Variants in GBA2 observed in about 807,000 individuals in gnomAD.
GBA2 encodes the protein non-lysosomal glucosylceramidase.
A neutral mutation model predicts 112.9 loss-of-function variants in GBA2; 79 were observed. The observed-to-expected ratio is 0.70, with a 90% confidence interval of 0.58 to 0.84. GBA2 has a LOEUF of 0.84. GBA2 is among the 40% of genes least tolerant of loss of function. The pLI is 0.00. For synonymous variants in GBA2, 403 were observed against 434.3 expected (o/e 0.93, Z 0.90); for missense variants, 1,043 against 1,190.0 (o/e 0.88, Z 1.82).
In GBA2 at chr9:35,739,456, C is replaced by G. The variant is rs3829081; in HGVS notation, c.1583-37G>C. On this transcript the variant is annotated intron_variant, in intron 9 of 16. Transcript: ENST00000378103. The stretch of plus-strand genomic sequence containing the variant: ...AATGAGACACACTGTTGCCAGAATT[C>G]CTGCTTCCCCTTCAAACCCCTCTGT... 9.6e-5 allele frequency: 143 copies of G among 1,484,268 alleles called. 1 individual carries two copies. In the East Asian group the frequency reaches 3.2e-3, roughly 34 times the overall value. 91.9% of individuals were successfully genotyped at this position (1,484,268 alleles called of 1,614,324 possible). A position where few individuals can be genotyped will look rare whatever the true frequency, so the allele number is the denominator to read the frequency against.
Position 35,740,965 on chromosome 9 carries a change from C to G in GBA2, c.886G>C (p.Gly296Arg), listed in dbSNP as rs1254045030. 1 of 1,614,054 alleles carries G rather than the reference C, an allele frequency of 6.2e-7. No homozygotes were observed. Among genetic ancestry groups the G allele is most frequent in the African/African-American group, 1.3e-5 (1 of 74,934 alleles). ...CCCCCTGGGGCATCGTCTCCACCAC[C>G]CAGTCCATTCCGCATGGAGAACATG... ...SIMFSMRNGL[G>R]GGDDAPGGLW... is the part of the protein sequence containing the mutation. Residue 296 changes from glycine to arginine, a missense_variant, in exon 5 of 17, where the codon GGT (glycine) becomes CGT (arginine). Gly to Arg is a moderately radical substitution (Grantham distance 125). Transcript: ENST00000378103. This position sits in a 1 kb window ranked among gnomAD's most constrained non-coding sequence, Gnocchi z 4.7.
At chr9:35,739,531 A>C in intron 9 of GBA2, 97 bp downstream of exon 9, 1 of 1,323,556 alleles carries the variant, frequency 7.6e-7, no homozygotes, top group Non-Finnish European at 1.1e-6. Flanking sequence ...GTCCACACCC[A>C]ACACCCCCTC....
At position 35,737,032 on chromosome 9, in the gene GBA2, T is replaced by A; in HGVS notation, c.*137A>T. 1.5e-6 allele frequency: 2 copies of A among 1,352,844 alleles called. No individual in the cohort carries two copies. The highest frequency in any genetic ancestry group is 2.0e-6 in the Non-Finnish European group (2 of 1,005,350). The allele number at this position is 1,352,844 out of a possible 1,614,324, so 83.8% of individuals were successfully genotyped here. A position where few individuals can be genotyped will look rare whatever the true frequency, so the allele number is the denominator to read the frequency against. ...TAGGTCACCCTCAACCCCCATTTACTGGCACAATTGGGTGGAGAGAAGGGA... is the reference window on the plus strand; with the variant it reads ...TAGGTCACCCTCAACCCCCATTTACAGGCACAATTGGGTGGAGAGAAGGGA... On this transcript the variant is annotated 3_prime_UTR_variant, in exon 17 of 17. Coordinates refer to ENST00000378103, the MANE Select transcript of GBA2 (RefSeq NM_020944.3). This position sits in a 1 kb window ranked among gnomAD's most constrained non-coding sequence, Gnocchi z 4.1.
chr9:35,740,607 T>C lies in GBA2; in HGVS notation c.1048A>G (p.Ile350Val). The part of the protein sequence containing the change: ...RVTAATTVTH[I>V]TAFDPDSTGQ... ...GTGCTGTCAGGGTCAAAGGCTGTGATGTGGGTTACCGTGGTAGCTGCCTGT... is the reference window on the plus strand; with the variant it reads ...GTGCTGTCAGGGTCAAAGGCTGTGACGTGGGTTACCGTGGTAGCTGCCTGT... The change falls in exon 6 of 17, where the codon ATC becomes GTC. Residue 350 changes from isoleucine to valine, a missense_variant. Ile to Val is a conservative substitution (Grantham distance 29, BLOSUM62 3). Coordinates refer to ENST00000378103, the MANE Select transcript of GBA2 (RefSeq NM_020944.3). This position sits in a 1 kb window ranked among gnomAD's most constrained non-coding sequence, Gnocchi z 4.7. The C allele has an allele frequency of 6.2e-7, 1 of 1,613,940 alleles. No individual in the cohort carries two copies. The highest frequency in any genetic ancestry group is 8.5e-7 in the Non-Finnish European group (1 of 1,179,834).
In GBA2 at chr9:35,740,742, G is replaced by A. The variant is rs780247574; in HGVS notation, c.1026+83C>T. 71 of 1,563,756 alleles carry A rather than the reference G, an allele frequency of 4.5e-5. No individual in the cohort carries two copies. Among genetic ancestry groups the A allele is most frequent in the Non-Finnish European group, 5.9e-5 (67 of 1,138,674 alleles). On this transcript the variant is annotated intron_variant, in intron 5 of 16. Coordinates refer to ENST00000378103, the MANE Select transcript of GBA2 (RefSeq NM_020944.3). The surrounding 1 kb of genome is among the most constrained non-coding windows in gnomAD (Gnocchi z 4.7). ...CTCCCAGGCCCAGGGGCTTACAGGA[G>A]TATGATGAGGGTGGATGAAGAGACC... is the stretch of plus-strand genomic sequence containing the variant.
rs775052150 is a variant in GBA2 at position 35,738,906 on chromosome 9, G to A, written c.1796-3C>T. ...GACGCGGAGCCATGGTTCATCATCT[G>A]TGGGAGAGGAGGGGACTTGGGTCAC... On this transcript the variant is annotated splice_region_variant and splice_polypyrimidine_tract_variant and intron_variant, in intron 11 of 16. Transcript: ENST00000378103. 13 of 1,614,032 alleles carry A rather than the reference G, an allele frequency of 8.1e-6. No homozygotes were observed. The East Asian group carries it at 2.9e-4, about 36-fold the overall frequency.
chr9:35,739,212 A>C (rs1203575738), intron 10 of GBA2, 103 bp from the exon 11 acceptor site: 3 of 1,023,034 alleles, frequency 2.9e-6, no homozygotes, highest in Non-Finnish European at 4.6e-6. Context: ...CAGCATGCAG[A>C]TACGTATGAA....
intron 1 of GBA2, among the ~76,000 whole-genome samples, chr9:35,745,923 C>CA (rs1163143531): frequency 5.9e-5 from 9 of 152,290 alleles, no homozygotes; most frequent in African/African-American, 1.4e-4. Context: ...TCCTCATCTA[C>CA]AAAATGGGGA....
chr9:35,739,052 A>G lies in GBA2; in HGVS notation c.1745T>C (p.Met582Thr). 1.9e-6 allele frequency: 3 copies of G among 1,613,758 alleles called. No homozygotes were observed. The highest frequency in any genetic ancestry group is 8.5e-7 in the Non-Finnish European group (1 of 1,179,824). Residue 582 changes from methionine (M) to threonine (T), a missense_variant, in exon 11 of 17, where the codon ATG becomes ACG. By Grantham distance (81) the Met-to-Thr change is moderately conservative. Transcript: ENST00000378103. ...GACGTTCCTCCTTTTCACAGGTGCC[A>G]TCACCCCACTCATCAGGTACCGTCG... ...TRRRYLMSGV[M>T]APVKRRNVIP...
Position 35,737,359 on chromosome 9 carries a change from G to A in GBA2, c.2594C>T (p.Ala865Val). ...RLGLAFQTPE[A>V]YCQQRVFRSL... ...GCGGAACACTCGCTGCTGGCAGTAT[G>A]CCTCTGGGGTCTGGAAGGCCAGACC... Residue 865 changes from alanine to valine, a missense_variant, in exon 17 of 17, where the codon GCA becomes GTA. Physicochemically the swap from Ala to Val is moderately conservative, Grantham distance 64 (BLOSUM62 0). Transcript: ENST00000378103. This position sits in a 1 kb window ranked among gnomAD's most constrained non-coding sequence, Gnocchi z 4.1. 1 of 1,614,150 alleles carries A rather than the reference G, an allele frequency of 6.2e-7. No homozygotes were observed. The highest frequency in any genetic ancestry group is 8.5e-7 in the Non-Finnish European group (1 of 1,180,036).
rs1588013379 is a variant in GBA2 at position 35,740,428 on chromosome 9, A to G, written c.1130-66T>C. The G allele has an allele frequency of 6.3e-7, 1 of 1,587,664 alleles. No homozygotes were observed. Among genetic ancestry groups the G allele is most frequent in the Non-Finnish European group, 8.6e-7 (1 of 1,160,478 alleles). On this transcript the variant is annotated intron_variant, in intron 6 of 16. Coordinates refer to ENST00000378103, the MANE Select transcript of GBA2 (RefSeq NM_020944.3). The surrounding 1 kb of genome is among the most constrained non-coding windows in gnomAD (Gnocchi z 4.7). ...AGCCCCAGGGATAGGGATCCCTAAC[A>G]TGGAAACAAGGCCTACTTATTACCA...
Position 35,748,525 on chromosome 9 carries a change from G to A in GBA2, c.180C>T (p.Cys60=). 1 of 1,614,218 alleles carries A rather than the reference G, an allele frequency of 6.2e-7. No homozygotes were observed. The highest frequency in any genetic ancestry group is 1.3e-5 in the African/African-American group (1 of 75,050). The part of the protein sequence containing the change: ...DSRPPKETDC[C]NPEDSGQLMV... ...TCAGCTGCCCAGAGTCCTCCGGATT[G>A]CAGCAGTCCGTCTCTTTTGGGGGTC... The change falls in exon 1 of 17, where the codon TGC becomes TGT. Residue 60 remains cysteine, a synonymous_variant. Transcript: ENST00000378103.
In GBA2 at chr9:35,742,090, C is replaced by A. The variant is rs974904470; in HGVS notation, c.568-200G>T. ...CATCTATCTCCCAAGCTTTCTCTCC[C>A]TTCTCCACTACGGTGGTGTTAGCAC... is the stretch of plus-strand genomic sequence containing the variant. On this transcript the variant is annotated intron_variant, in intron 3 of 16. Coordinates refer to ENST00000378103, the MANE Select transcript of GBA2 (RefSeq NM_020944.3). The A allele has an allele frequency of 8.1e-6, 5 of 615,268 alleles. No homozygotes were observed. The Admixed American group carries it at 1.3e-4, about 16-fold the overall frequency. The allele number at this position is 615,268 out of a possible 1,614,324, so 38.1% of individuals were successfully genotyped here.
rs1215749235 is a variant in GBA2, at chr9:35,740,767, C to T, written c.1026+58G>A. 2.5e-6 allele frequency: 4 copies of T among 1,598,030 alleles called. No individual in the cohort carries two copies. In the East Asian group the frequency reaches 8.9e-5, roughly 36 times the overall value. On this transcript the variant is annotated intron_variant, in intron 5 of 16. Coordinates refer to ENST00000378103, the MANE Select transcript of GBA2 (RefSeq NM_020944.3). The surrounding 1 kb of genome is among the most constrained non-coding windows in gnomAD (Gnocchi z 4.7). Reference sequence around the variant, plus strand: ...GTATGATGAGGGTGGATGAAGAGACCATGCTGGGGTGGAGGTGGGGTTCAG... The same window carrying T: ...GTATGATGAGGGTGGATGAAGAGACTATGCTGGGGTGGAGGTGGGGTTCAG...
chr9:35,740,681 C>G lies in GBA2; in HGVS notation c.1027-53G>C, dbSNP rs553194900. ...CAGGCTCCACGAGTACACTGGGTCC[C>G]GGCTAGCTCCCCAGCTCCTCTTACT... On this transcript the variant is annotated intron_variant, in intron 5 of 16. Coordinates refer to ENST00000378103, the MANE Select transcript of GBA2 (RefSeq NM_020944.3). The surrounding 1 kb of genome is among the most constrained non-coding windows in gnomAD (Gnocchi z 4.7). 6.5e-7 allele frequency: 1 copy of G among 1,527,954 alleles called. No individual in the cohort carries two copies. The allele number at this position is 1,527,954 out of a possible 1,614,324, so 94.6% of individuals were successfully genotyped here.
At position 35,744,293 on chromosome 9, in the gene GBA2, T is replaced by C. The variant is rs757882262; in HGVS notation, c.567+4A>G. On this transcript the variant is annotated splice_donor_region_variant and intron_variant, in intron 3 of 16. Coordinates refer to ENST00000378103, the MANE Select transcript of GBA2 (RefSeq NM_020944.3). The stretch of plus-strand genomic sequence containing the variant: ...TCCTGGCCTCTCCACCTCCTGGCTC[T>C]TACTTGGTCAGCGATGACTGTCCGG... 1.9e-6 allele frequency: 3 copies of C among 1,567,278 alleles called. No homozygotes were observed. The highest frequency in any genetic ancestry group is 2.6e-6 in the Non-Finnish European group (3 of 1,137,212).
chr9:35,742,005 C>A, intron 3 of GBA2, 115 bp from the exon 4 acceptor site: 2 of 706,460 alleles, frequency 2.8e-6, no homozygotes, highest in South Asian at 3.1e-5. Context: ...ACCACTGCAC[C>A]ATCAGCTTCA....
Position 35,740,195 on chromosome 9 carries a change from C to A in GBA2, c.1283+14G>T. On this transcript the variant is annotated intron_variant, in intron 7 of 16. Coordinates refer to ENST00000378103, the MANE Select transcript of GBA2 (RefSeq NM_020944.3). The surrounding 1 kb of genome is among the most constrained non-coding windows in gnomAD (Gnocchi z 4.7). The stretch of plus-strand genomic sequence containing the variant: ...CCAGCACTCTGGATCCTTACACTTT[C>A]TTGGTCCCCTCACCTGTAGTGGACT... 1 of 1,614,048 alleles carries A rather than the reference C, an allele frequency of 6.2e-7. No individual in the cohort carries two copies. The highest frequency in any genetic ancestry group is 8.5e-7 in the Non-Finnish European group (1 of 1,179,944).
rs1039751175 is a variant in GBA2, at chr9:35,746,621, C to T, written c.359+1725G>A. On this transcript the variant is annotated intron_variant, in intron 1 of 16. Coordinates refer to ENST00000378103, the MANE Select transcript of GBA2 (RefSeq NM_020944.3). This position sits in a 1 kb window ranked among gnomAD's most constrained non-coding sequence, Gnocchi z 5.2. ...AAAATAATAATAAAATAAAAAGGGACAGCACATTCTAGGGGTGGAAAGAAG... is the reference window on the plus strand; with the variant it reads ...AAAATAATAATAAAATAAAAAGGGATAGCACATTCTAGGGGTGGAAAGAAG... 6.6e-6 allele frequency among the ~76,000 whole-genome samples: 1 copy of T among 151,756 alleles called. No homozygotes were observed. Among genetic ancestry groups the T allele is most frequent in the African/African-American group, 2.4e-5 (1 of 41,302 alleles).
Sources: gnomAD v4.1 joint callset for allele counts (sites outside exome capture counted in the v4.1 genomes callset) on GRCh38, gnomAD v4.1.1 for gene constraint, Gnocchi (gnomAD v3.1) non-coding constraint, MANE v1.5 for transcripts, NCBI Gene and HGNC (gene_info 2026-07-23, HGNC 2026-07-21) for gene names.